Variants in SFMBT2 observed in about 807,000 individuals in gnomAD.
The protein encoded by SFMBT2 is scm-like with four MBT domains protein 2.
In SFMBT2, 38 loss-of-function variants were observed where a neutral mutation model predicts 110.1. The observed-to-expected ratio is 0.35, with a 90% confidence interval of 0.27 to 0.45. The LOEUF (loss-of-function observed/expected upper bound fraction) is 0.45. SFMBT2 is among the 20% of genes least tolerant of loss of function. The pLI, the probability that SFMBT2 is intolerant of heterozygous loss-of-function variation, is 1.00. For missense variants in SFMBT2, 1,011 were observed against 1,094.9 expected, an observed-to-expected ratio of 0.92 and a Z score of 1.08; for synonymous variants, 425 against 425.4, an observed-to-expected ratio of 1.00 and a Z score of 0.01.
Position 7,272,533 on chromosome 10 carries a change from G to A in SFMBT2, c.870+4359C>T, listed in dbSNP as rs558016317. Among the ~76,000 whole-genome samples the A allele has an allele frequency of 7.4e-4, 113 of 152,188 alleles. 1 individual carries two copies. In the South Asian group the frequency reaches 9.1e-3, roughly 12 times the overall value. Reference sequence around the variant, plus strand: ...GACTGGGAAGCAGAGGCAGTTAGACGCCCCCCACAGCCTCCCTGATCCCTG... The same window carrying A: ...GACTGGGAAGCAGAGGCAGTTAGACACCCCCCACAGCCTCCCTGATCCCTG... On this transcript the variant is annotated intron_variant, in intron 7 of 20. Transcript: ENST00000397167.
At position 7,171,424 on chromosome 10, in the gene SFMBT2, T is replaced by C; in HGVS notation, c.2416-368A>G. Reference sequence around the variant, plus strand: ...ACGAGACAGTGTCCCCCAGTGTTTCTGTAATGGTGGTGCCAGTGGCCCTTT... The same window carrying C: ...ACGAGACAGTGTCCCCCAGTGTTTCCGTAATGGTGGTGCCAGTGGCCCTTT... On this transcript the variant is annotated intron_variant, in intron 19 of 20. Coordinates refer to ENST00000397167, the MANE Select transcript of SFMBT2 (RefSeq NM_001387889.1). The surrounding 1 kb of genome is among the most constrained non-coding windows in gnomAD (Gnocchi z 4.9). The C allele has an allele frequency of 3.0e-6, 3 of 985,460 alleles. No individual in the cohort carries two copies. The highest frequency in any genetic ancestry group is 3.6e-6 in the Non-Finnish European group (3 of 829,942). 61.0% of individuals were successfully genotyped at this position (985,460 alleles called of 1,614,324 possible). A position where few individuals can be genotyped will look rare whatever the true frequency, so the allele number is the denominator to read the frequency against.
At chr10:7,388,076 C>T (rs190480371) in intron 1 of SFMBT2, among the ~76,000 whole-genome samples, 31 of 152,206 alleles carry the variant, frequency 2.0e-4, no homozygotes, top group Admixed American at 3.3e-4. Flanking sequence ...GTGGAGCAAG[C>T]GGCATCACGC....
Position 7,350,051 on chromosome 10 carries a change from G to A in SFMBT2, c.436+17598C>T, listed in dbSNP as rs139905048. 9.9e-5 allele frequency among the ~76,000 whole-genome samples: 15 copies of A among 152,184 alleles called. No homozygotes were observed. The East Asian group carries it at 2.7e-3, about 27-fold the overall frequency. ...CCTCTCCAAGCTTGCTTCATTCAGG[G>A]CCCCGGGAGGCACTGCCCACAGCCC... On this transcript the variant is annotated intron_variant, in intron 4 of 20. Transcript: ENST00000397167.
intron 15 of SFMBT2, chr10:7,189,143 A>G (rs1838514503): frequency 1.0e-6 from 1 of 984,980 alleles, no homozygotes; most frequent in Admixed American, 6.1e-5. Context: ...AATGAAACGG[A>G]GACAATCTAC....
chr10:7,246,831 T>C (rs991787725), intron 8 of SFMBT2, among the ~76,000 whole-genome samples: 3 of 151,244 alleles, frequency 2.0e-5, no homozygotes, highest in Admixed American at 1.3e-4. Context: ...CTCTGTAGCG[T>C]GATACATCTG....
chr10:7,202,477 T>C lies in SFMBT2; in HGVS notation c.1487+3A>G. 6.2e-7 allele frequency: 1 copy of C among 1,614,230 alleles called. No individual in the cohort carries two copies. Among genetic ancestry groups the C allele is most frequent in the Non-Finnish European group, 8.5e-7 (1 of 1,180,034 alleles). On this transcript the variant is annotated splice_donor_region_variant and intron_variant, in intron 13 of 20. Transcript: ENST00000397167. Reference sequence around the variant, plus strand: ...GTAGTCTGGAGGGGAAAAAAGCACGTACTGTTTCTCTGGTTGCACGACTGC... The same window carrying C: ...GTAGTCTGGAGGGGAAAAAAGCACGCACTGTTTCTCTGGTTGCACGACTGC...
intron 20 of SFMBT2, 192 bp from the exon 21 acceptor site, chr10:7,164,102 T>C: frequency 1.0e-6 from 1 of 985,462 alleles, no homozygotes; most frequent in Non-Finnish European, 1.2e-6. Context: ...AAAATCTTTT[T>C]GTAGCCGGGC....
intron 7 of SFMBT2, among the ~76,000 whole-genome samples, chr10:7,260,206 G>T (rs779895352): frequency 6.6e-6 from 1 of 152,160 alleles, no homozygotes; most frequent in Non-Finnish European, 1.5e-5. Flanking sequence ...AAATGGTACT[G>T]GTCCCCAAGG....
At chr10:7,262,525 C>T (rs954298326) in intron 7 of SFMBT2, among the ~76,000 whole-genome samples, 16 of 152,170 alleles carry the variant, frequency 1.1e-4, no homozygotes, top group African/African-American at 2.9e-4. Flanking sequence ...GCAAGTTCCC[C>T]GGGAACTGGC....
chr10:7,328,019 T>G (rs918118262), intron 4 of SFMBT2, among the ~76,000 whole-genome samples: 2 of 152,216 alleles, frequency 1.3e-5, no homozygotes, highest in Admixed American at 1.3e-4. Flanking sequence ...TGGGTGTATG[T>G]TTAAAGTTGT....
At chr10:7,260,707 G>A (rs944487227) in intron 7 of SFMBT2, among the ~76,000 whole-genome samples, 1 of 152,114 alleles carries the variant, frequency 6.6e-6, no homozygotes, top group South Asian at 2.1e-4. Context: ...ACATTCCCCA[G>A]TGCAGACAGT....
At position 7,301,251 on chromosome 10, in the gene SFMBT2, T is replaced by C. The variant is rs983551691; in HGVS notation, c.437-15297A>G. ...AGCATGAGGCAGTTATTAGCGTCTT[T>C]ATGTCATGTGCAAATCAGCGTGAGA... On this transcript the variant is annotated intron_variant, in intron 4 of 20. Transcript: ENST00000397167. This position sits in a 1 kb window ranked among gnomAD's most constrained non-coding sequence, Gnocchi z 4.2. 5.3e-5 allele frequency among the ~76,000 whole-genome samples: 8 copies of C among 152,160 alleles called. No homozygotes were observed. The highest frequency in any genetic ancestry group is 1.7e-4 in the African/African-American group (7 of 41,432).
At chr10:7,350,971 T>C (rs1418751955) in intron 4 of SFMBT2, among the ~76,000 whole-genome samples, 1 of 152,262 alleles carries the variant, frequency 6.6e-6, no homozygotes, top group Non-Finnish European at 1.5e-5. Context: ...TAAAAGGCAT[T>C]AGATTGCTCT....
rs1469215575 is a variant in SFMBT2 at position 7,376,799 on chromosome 10, T to C, written c.100+5000A>G. 2.6e-5 allele frequency among the ~76,000 whole-genome samples: 3 copies of C among 117,300 alleles called. No individual in the cohort carries two copies. In the East Asian group the frequency reaches 8.3e-4, roughly 32 times the overall value. 77.0% of individuals were successfully genotyped at this position (117,300 alleles called of 152,430 possible). A position where few individuals can be genotyped will look rare whatever the true frequency, so the allele number is the denominator to read the frequency against. On this transcript the variant is annotated intron_variant, in intron 2 of 20. Transcript: ENST00000397167. The stretch of plus-strand genomic sequence containing the variant: ...TGAGGCCAGCTGAAGTCTTCCTTCT[T>C]GGGGGCATCACTGCAAGGAATCATA...
At position 7,367,048 on chromosome 10, in the gene SFMBT2, C is replaced by G. The variant is rs1418508608; in HGVS notation, c.436+601G>C. ...TTGAGACCAATGTCATTTCTCTCAT[C>G]TGTATGGTTTTCTTTCTTTCTTTTT... On this transcript the variant is annotated intron_variant, in intron 4 of 20. Coordinates refer to ENST00000397167, the MANE Select transcript of SFMBT2 (RefSeq NM_001387889.1). This position sits in a 1 kb window ranked among gnomAD's most constrained non-coding sequence, Gnocchi z 6.2. 1.3e-5 allele frequency among the ~76,000 whole-genome samples: 2 copies of G among 151,820 alleles called. No homozygotes were observed. Among genetic ancestry groups the G allele is most frequent in the African/African-American group, 2.4e-5 (1 of 41,332 alleles).
At position 7,161,870 on chromosome 10, in the gene SFMBT2, G is replaced by A. The variant is rs117757760; in HGVS notation, c.*1900C>T. ...AATGCAAGCAGCTCATCAGCCCACC[G>A]CAGAATTTTACTGGAACTGTGGAGA... is the stretch of plus-strand genomic sequence containing the variant. On this transcript the variant is annotated 3_prime_UTR_variant, in exon 21 of 21. Transcript: ENST00000397167. 0.016 allele frequency: 2,427 copies of A among 152,268 alleles called. 35 individuals are homozygous for A. The highest frequency in any genetic ancestry group is 0.024 in the South Asian group (117 of 4,820). The allele number at this position is 152,268 out of a possible 1,614,324, so 9.4% of individuals were successfully genotyped here.
intron 4 of SFMBT2, among the ~76,000 whole-genome samples, chr10:7,358,832 T>G (rs980091158): frequency 4.7e-5 from 7 of 149,570 alleles, no homozygotes; most frequent in African/African-American, 1.5e-4. Flanking sequence ...GGCCCTGCAA[T>G]GGAGGCATGG....
At position 7,171,431 on chromosome 10, in the gene SFMBT2, G is replaced by C. The variant is rs1588761492; in HGVS notation, c.2416-375C>G. 1.0e-6 allele frequency: 1 copy of C among 985,470 alleles called. No homozygotes were observed. Among genetic ancestry groups the C allele is most frequent in the African/African-American group, 1.7e-5 (1 of 57,366 alleles). 61.0% of individuals were successfully genotyped at this position (985,470 alleles called of 1,614,324 possible). On this transcript the variant is annotated intron_variant, in intron 19 of 20. Coordinates refer to ENST00000397167, the MANE Select transcript of SFMBT2 (RefSeq NM_001387889.1). This position sits in a 1 kb window ranked among gnomAD's most constrained non-coding sequence, Gnocchi z 4.9. ...AGTGTCCCCCAGTGTTTCTGTAATG[G>C]TGGTGCCAGTGGCCCTTTCTGCTGA...
At chr10:7,407,068 T>C (rs927140134) in intron 1 of SFMBT2, among the ~76,000 whole-genome samples, 1 of 152,070 alleles carries the variant, frequency 6.6e-6, no homozygotes, top group Non-Finnish European at 1.5e-5. Context: ...AGAGCAAAGA[T>C]AAGATCTGAG....
Sources: allele counts gnomAD v4.1 joint callset (sites outside exome capture counted in the v4.1 genomes callset), GRCh38; gene constraint gnomAD v4.1.1; non-coding constraint Gnocchi (gnomAD v3.1); transcripts MANE v1.5; gene names NCBI Gene and HGNC (gene_info 2026-07-23, HGNC 2026-07-21).